The following USP13 variants were observed in gnomAD, a reference collection of about 807,000 sequenced individuals.
USP13 encodes ubiquitin specific peptidase 13.
Under a neutral mutation model 107.8 loss-of-function variants are expected in USP13, and 68 were observed. The ratio of observed to expected loss-of-function variants is 0.63; its 90% CI spans 0.52 to 0.77. The LOEUF (loss-of-function observed/expected upper bound fraction) is 0.77, where lower values mean the gene tolerates loss of function less well. Ranked by LOEUF, USP13 falls within the 30% of genes least tolerant of loss-of-function variation. The probability of loss-of-function intolerance (pLI) is 0.00; values close to 1 mark genes in which losing one functional copy is unlikely to be tolerated. For synonymous variants in USP13, 377 were observed against 389.5 expected (o/e 0.97, Z 0.38); for missense variants, 945 against 1,093.3 (o/e 0.86, Z 1.91).
At chr3:179,761,499 G>A (rs541175642) in intron 17 of USP13, among the ~76,000 whole-genome samples, 7 of 152,116 alleles carry the variant, frequency 4.6e-5, no homozygotes, top group Admixed American at 1.3e-4. Context: ...CAAGGCAGGC[G>A]GATCACGAAG....
At chr3:179,743,313 C>T (rs1338978387) in intron 12 of USP13, among the ~76,000 whole-genome samples, 3 of 151,662 alleles carry the variant, frequency 2.0e-5, no homozygotes, top group East Asian at 1.9e-4. Context: ...CAAACCGCCA[C>T]GGCACACATA....
At chr3:179,754,186 A>G (rs1714706343) in intron 14 of USP13, among the ~76,000 whole-genome samples, 1 of 152,118 alleles carries the variant, frequency 6.6e-6, no homozygotes, top group African/African-American at 2.4e-5. Flanking sequence ...AAAAAGATGA[A>G]CTAGAAAAAC....
chr3:179,725,761 G>A (rs1185766657), intron 8 of USP13, among the ~76,000 whole-genome samples: 2 of 152,220 alleles, frequency 1.3e-5, no homozygotes, highest in African/African-American at 4.8e-5. Flanking sequence ...TGCTGTTCTT[G>A]TGCTGGAGAT....
chr3:179,730,129 T>C, intron 8 of USP13, 60 bp from the exon 9 acceptor site: 1 of 1,485,532 alleles, frequency 6.7e-7, no homozygotes, highest in Non-Finnish European at 9.3e-7. Flanking sequence ...TTTGATGGCT[T>C]GTTTTGGTTC....
intron 6 of USP13, among the ~76,000 whole-genome samples, chr3:179,711,097 A>G (rs1002315901): frequency 1.3e-5 from 2 of 152,248 alleles, no homozygotes; most frequent in African/African-American, 4.8e-5. Context: ...CTTTTCAATA[A>G]TAAATTAACC....
In USP13 at chr3:179,786,018, C is replaced by G. The variant is rs140502990; in HGVS notation, c.*1877C>G. 6.6e-6 allele frequency: 1 copy of G among 151,876 alleles called. No individual in the cohort carries two copies. The highest frequency in any genetic ancestry group is 1.5e-5 in the Non-Finnish European group (1 of 67,930). The allele number at this position is 151,876 out of a possible 1,614,324, so 9.4% of individuals were successfully genotyped here. ...CCTGCCTTTTCTCCTCTGTTTTCCT[C>G]AATTTGGGAACAAATGAGATTGGCA... On this transcript the variant is annotated 3_prime_UTR_variant, in exon 21 of 21. Transcript: ENST00000263966.
chr3:179,782,764 A>G (rs1328735751), intron 20 of USP13, among the ~76,000 whole-genome samples: 1 of 151,554 alleles, frequency 6.6e-6, no homozygotes, highest in Non-Finnish European at 1.5e-5. Flanking sequence ...CTTTTTTTTG[A>G]GATGGAGTTT....
intron 1 of USP13, among the ~76,000 whole-genome samples, chr3:179,665,905 AGT>A (rs1389189723): frequency 6.6e-6 from 1 of 152,200 alleles, no homozygotes; most frequent in African/African-American, 2.4e-5. Flanking sequence ...AACTTTAAAC[AGT>A]GTGGTGCTTA....
chr3:179,749,484 A>G (rs1270556500), intron 13 of USP13, among the ~76,000 whole-genome samples: 1 of 152,228 alleles, frequency 6.6e-6, no homozygotes, highest in Non-Finnish European at 1.5e-5. Context: ...ATAATTTATA[A>G]CTGTGCTAGA....
chr3:179,700,995 G>T lies in USP13; in HGVS notation c.356-13G>T. 2 of 1,607,178 alleles carry T rather than the reference G, an allele frequency of 1.2e-6. No individual in the cohort carries two copies. The highest frequency in any genetic ancestry group is 1.1e-5 in the South Asian group (1 of 90,160). On this transcript the variant is annotated splice_polypyrimidine_tract_variant and intron_variant, in intron 3 of 20. Coordinates refer to ENST00000263966, the MANE Select transcript of USP13 (RefSeq NM_003940.3). ...TCCTCACTTCTTGTTCTTTGTTTTT[G>T]TTTTCTCCTCAGATCTAGATACTGA...
At chr3:179,668,293 C>A (rs955755004) in intron 1 of USP13, among the ~76,000 whole-genome samples, 24 of 152,288 alleles carry the variant, frequency 1.6e-4, no homozygotes, top group East Asian at 7.7e-4. Context: ...CACCACCATG[C>A]CTGCTGCTGG....
chr3:179,756,631 G>A (rs1714811488), intron 15 of USP13, among the ~76,000 whole-genome samples: 1 of 152,052 alleles, frequency 6.6e-6, no homozygotes, highest in African/African-American at 2.4e-5. Flanking sequence ...GGTGACATGT[G>A]CCTGTAGTTC....
chr3:179,661,627 A>G (rs574015144), intron 1 of USP13, among the ~76,000 whole-genome samples: 18 of 152,048 alleles, frequency 1.2e-4, no homozygotes, highest in African/African-American at 4.1e-4. Context: ...CCTGTCTACC[A>G]GTATTTAGGG....
chr3:179,752,828 T>C (rs139121136), intron 14 of USP13, among the ~76,000 whole-genome samples: 5 of 152,340 alleles, frequency 3.3e-5, no homozygotes, highest in East Asian at 1.9e-4. Context: ...AGTCTCCTCA[T>C]AGGATCTCTC....
Position 179,727,806 on chromosome 3 carries a change from C to T in USP13, c.1089-2383C>T, listed in dbSNP as rs1226785940. Reference sequence around the variant, plus strand: ...GGCTGGGCAGGGGGCTGACCCCCCCCCCACCTCCCTCCCGGACGGGGCGGC... The same window carrying T: ...GGCTGGGCAGGGGGCTGACCCCCCCTCCACCTCCCTCCCGGACGGGGCGGC... On this transcript the variant is annotated intron_variant, in intron 8 of 20. Coordinates refer to ENST00000263966, the MANE Select transcript of USP13 (RefSeq NM_003940.3). Among the ~76,000 whole-genome samples the T allele has an allele frequency of 4.7e-5, 5 of 106,490 alleles. 2 individuals carry two copies. The highest frequency in any genetic ancestry group is 1.0e-4 in the Non-Finnish European group (5 of 48,378). 69.9% of individuals were successfully genotyped at this position (106,490 alleles called of 152,430 possible).
intron 10 of USP13, among the ~76,000 whole-genome samples, chr3:179,739,083 C>T (rs943696868): frequency 6.6e-6 from 1 of 152,202 alleles, no homozygotes; most frequent in Non-Finnish European, 1.5e-5. Flanking sequence ...TGTTATACCA[C>T]CCTCAGGGAC....
At chr3:179,773,112 C>A (rs1460816384) in intron 19 of USP13, among the ~76,000 whole-genome samples, 1 of 152,168 alleles carries the variant, frequency 6.6e-6, no homozygotes, top group East Asian at 1.9e-4. Flanking sequence ...GGAGGTGGGA[C>A]CTGGTGGGAG....
chr3:179,750,770 G>A (rs1337504343), intron 13 of USP13, among the ~76,000 whole-genome samples: 2 of 152,218 alleles, frequency 1.3e-5, no homozygotes, highest in South Asian at 2.1e-4. Context: ...AACATTGCAC[G>A]GCCTGGCAGG....
chr3:179,719,878 TGTGTTGGA>T, intron 6 of USP13, 54 bp from the exon 7 acceptor site: 1 of 1,441,392 alleles, frequency 6.9e-7, no homozygotes, highest in Non-Finnish European at 9.7e-7. Flanking sequence ...TCAAAAAATA[TGTGTTGGA>T]TATTCAGTGA....
Sources: gnomAD v4.1 joint callset for allele counts (sites outside exome capture counted in the v4.1 genomes callset) on GRCh38, gnomAD v4.1.1 for gene constraint, MANE v1.5 for transcripts, NCBI Gene and HGNC (gene_info 2026-07-23, HGNC 2026-07-21) for gene names.